Variants in DPP10 observed in about 807,000 individuals in gnomAD.
The protein encoded by DPP10 is inactive dipeptidyl peptidase 10.
A neutral mutation model predicts 120.9 loss-of-function variants in DPP10; 33 were observed. The ratio of observed to expected loss-of-function variants is 0.27; its 90% confidence interval spans 0.21 to 0.37. The LOEUF (loss-of-function observed/expected upper bound fraction) is 0.37, where lower values mean the gene tolerates loss of function less well. Ranked by LOEUF, DPP10 falls within the 10% of genes least tolerant of loss-of-function variation. DPP10 has a pLI of 1.00. For missense variants in DPP10, 816 were observed against 942.8 expected, an observed-to-expected ratio of 0.87 and a Z score of 1.76; for synonymous variants, 337 against 326.1, an observed-to-expected ratio of 1.03 and a Z score of -0.36.
intron 4 of DPP10, among the ~76,000 whole-genome samples, chr2:115,522,624 G>A (rs2077882693): frequency 6.6e-6 from 1 of 152,056 alleles, no homozygotes; most frequent in African/African-American, 2.4e-5. Flanking sequence ...TATCTTGCTT[G>A]CCTTCAACAG....
chr2:115,375,865 C>T (rs1267482127), intron 3 of DPP10, among the ~76,000 whole-genome samples: 2 of 152,202 alleles, frequency 1.3e-5, no homozygotes, highest in African/African-American at 4.8e-5. Flanking sequence ...AGAAGAAAAT[C>T]CACACCCATG....
chr2:114,923,753 ACCG>A (rs1296162480), intron 1 of DPP10, among the ~76,000 whole-genome samples: 12 of 66,026 alleles, frequency 1.8e-4, no homozygotes, highest in African/African-American at 6.0e-4. Flanking sequence ...GGCGTGAGCC[ACCG>A]CACCTGGCCT....
At chr2:115,831,449 A>G (rs183888380) in intron 21 of DPP10, among the ~76,000 whole-genome samples, 77 of 152,282 alleles carry the variant, frequency 5.1e-4, no homozygotes, top group African/African-American at 1.8e-3. Context: ...CATGCTGGTC[A>G]GGCTGGTCTC....
intron 3 of DPP10, among the ~76,000 whole-genome samples, chr2:115,368,914 G>A (rs947562472): frequency 1.7e-4 from 25 of 151,194 alleles, no homozygotes; most frequent in Non-Finnish European, 2.9e-5. Flanking sequence ...TTACTGTATG[G>A]TAAGTTTATA....
At chr2:114,999,422 C>T (rs183158118) in intron 1 of DPP10, among the ~76,000 whole-genome samples, 2 of 152,202 alleles carry the variant, frequency 1.3e-5, no homozygotes, top group African/African-American at 2.4e-5. Context: ...TTTGCCATGT[C>T]GAATTATTCA....
At chr2:115,474,546 G>A (rs112617368) in intron 3 of DPP10, among the ~76,000 whole-genome samples, 8,751 of 152,216 alleles carry the variant, frequency 0.057, 363 homozygotes, top group Middle Eastern at 0.092. Context: ...ACTTAAGAGT[G>A]ATGGATTAGG....
At chr2:114,479,368 T>G (rs1274641684) in intron 1 of DPP10, among the ~76,000 whole-genome samples, 1 of 151,376 alleles carries the variant, frequency 6.6e-6, no homozygotes, top group African/African-American at 2.4e-5. Flanking sequence ...AAAATAAAAT[T>G]ATTGTGGTAT....
At chr2:114,595,316 G>A (rs1430408913) in intron 1 of DPP10, among the ~76,000 whole-genome samples, 1 of 151,960 alleles carries the variant, frequency 6.6e-6, no homozygotes, top group East Asian at 1.9e-4. Flanking sequence ...GGAGTACATC[G>A]CCTACCCACC....
intron 2 of DPP10, among the ~76,000 whole-genome samples, chr2:115,312,152 T>G (rs111536681): frequency 1.3e-5 from 2 of 152,162 alleles, no homozygotes; most frequent in South Asian, 4.1e-4. Context: ...GTAGGGACAT[T>G]ATAAAATAAA....
chr2:115,543,060 A>G (rs2079270841), intron 5 of DPP10, among the ~76,000 whole-genome samples: 1 of 151,956 alleles, frequency 6.6e-6, no homozygotes. Context: ...ACTTTTCATC[A>G]TCCATGATTT....
chr2:115,059,685 G>GAAAAAAAAAAAAAA (rs34515129), intron 1 of DPP10, among the ~76,000 whole-genome samples: 1 of 116,346 alleles, frequency 8.6e-6, no homozygotes. Context: ...ACCTCAACAG[G>GAAAAAAAAAAAAAA]AAAAAAAAAA....
At chr2:114,636,774 C>CCCCT (rs1695333672) in intron 1 of DPP10, among the ~76,000 whole-genome samples, 2 of 151,842 alleles carry the variant, frequency 1.3e-5, no homozygotes, top group South Asian at 4.1e-4. Context: ...ACTTTTCTGG[C>CCCCT]CCCAAATCCC....
intron 3 of DPP10, among the ~76,000 whole-genome samples, chr2:115,405,010 A>G (rs560817034): frequency 6.6e-6 from 1 of 152,316 alleles, no homozygotes; most frequent in Non-Finnish European, 1.5e-5. Context: ...GGCTCCCCCT[A>G]TAACTCATGT....
At chr2:115,504,274 A>AG (rs1558768139) in intron 4 of DPP10, among the ~76,000 whole-genome samples, 1 of 74,134 alleles carries the variant, frequency 1.3e-5, no homozygotes, top group African/African-American at 5.1e-5. Flanking sequence ...GCTATTGCCA[A>AG]CTTTTTTTTT....
At chr2:114,565,885 A>C (rs1401919234) in intron 1 of DPP10, among the ~76,000 whole-genome samples, 3 of 152,226 alleles carry the variant, frequency 2.0e-5, no homozygotes, top group Non-Finnish European at 4.4e-5. Flanking sequence ...AGATTCATTC[A>C]TTCATTCATT....
rs374193131 is a variant in DPP10 at position 114,935,232 on chromosome 2, G to A, written c.61-374007G>A. Among the ~76,000 whole-genome samples, 324 of 152,078 alleles carry A rather than the reference G, an allele frequency of 2.1e-3. 1 individual carries two copies. Among genetic ancestry groups the A allele is most frequent in the Non-Finnish European group, 3.6e-3 (243 of 67,996 alleles). ...TGATCTATGAGATACTTGCCCCTTC[G>A]TCATCGTTTCCCTTCTGTTGAAAGC... is the stretch of plus-strand genomic sequence containing the variant. On this transcript the variant is annotated intron_variant, in intron 1 of 25. Transcript: ENST00000410059.
intron 5 of DPP10, among the ~76,000 whole-genome samples, chr2:115,596,695 A>C (rs535254961): frequency 5.9e-5 from 9 of 152,292 alleles, no homozygotes; most frequent in African/African-American, 2.2e-4. Flanking sequence ...CATTTGGCCT[A>C]AATATTGTAT....
chr2:115,640,247 A>G (rs1365276081), intron 5 of DPP10, among the ~76,000 whole-genome samples: 4 of 152,066 alleles, frequency 2.6e-5, no homozygotes, highest in Non-Finnish European at 4.4e-5. Flanking sequence ...GGAGGCCAAC[A>G]TTCCCCCAAA....
chr2:115,091,874 G>T (rs1709294013), intron 1 of DPP10, among the ~76,000 whole-genome samples: 1 of 152,112 alleles, frequency 6.6e-6, no homozygotes, highest in Non-Finnish European at 1.5e-5. Flanking sequence ...TGTTAGAAAT[G>T]TAAGCTGAAA....
Sources: allele counts gnomAD v4.1 joint callset (sites outside exome capture counted in the v4.1 genomes callset), GRCh38; gene constraint gnomAD v4.1.1; transcripts MANE v1.5; gene names NCBI Gene and HGNC (gene_info 2026-07-23, HGNC 2026-07-21).